The following TENM2 variants were observed in gnomAD, a reference collection of about 807,000 sequenced individuals.
TENM2 encodes the protein teneurin-2.
TENM2 carries 52 observed loss-of-function variants against 245.2 expected under a neutral mutation model. The ratio of observed to expected loss-of-function variants is 0.21; its 90% confidence interval spans 0.17 to 0.27. The LOEUF is 0.27. Ranked by LOEUF, TENM2 falls within the 10% of genes least tolerant of loss-of-function variation. The pLI is 1.00. For synonymous variants in TENM2, 1,363 were observed against 1,438.9 expected (o/e 0.95, Z 1.19); for missense variants, 3,046 against 3,666.8 (o/e 0.83, Z 4.37).
chr5:167,836,852 T>G (rs2151125375), intron 2 of TENM2, among the ~76,000 whole-genome samples: 1 of 152,324 alleles, frequency 6.6e-6, no homozygotes, highest in South Asian at 2.1e-4. Flanking sequence ...ACCGGCTATC[T>G]CAGCCGGTTC....
upstream of TENM2, among the ~76,000 whole-genome samples, chr5:167,279,830 T>C (rs566021991): frequency 1.1e-4 from 16 of 152,272 alleles, no homozygotes; most frequent in South Asian, 1.7e-3. Flanking sequence ...TAATTGTCCA[T>C]TGAAGCAATT....
chr5:167,018,412 C>T, the TENM2 span, among the ~76,000 whole-genome samples: 36 of 150,370 alleles, frequency 2.4e-4, no homozygotes, highest in African/African-American at 7.8e-4. Context: ...AAAAACCCAC[C>T]AAAAAAACAC....
chr5:167,469,593 G>A (rs566767292), intron 2 of TENM2, among the ~76,000 whole-genome samples: 1 of 152,214 alleles, frequency 6.6e-6, no homozygotes, highest in East Asian at 1.9e-4. Context: ...TAATGCAAGT[G>A]TTTGGTTTAA....
chr5:167,253,521 A>C, the TENM2 span, among the ~76,000 whole-genome samples: 1 of 152,122 alleles, frequency 6.6e-6, no homozygotes, highest in African/African-American at 2.4e-5. Context: ...AATCATTTAG[A>C]AGTTAAAATC....
chr5:168,145,416 A>C (rs1176353642), intron 12 of TENM2, among the ~76,000 whole-genome samples: 3 of 134,782 alleles, frequency 2.2e-5, no homozygotes, highest in Non-Finnish European at 4.8e-5. Flanking sequence ...CAGTTTTCCC[A>C]GCACCATTTA....
At chr5:167,635,633 C>CTTGTTTTTTTTTTTTTT (rs1779148757) in intron 2 of TENM2, among the ~76,000 whole-genome samples, 1 of 74,938 alleles carries the variant, frequency 1.3e-5, no homozygotes, top group East Asian at 5.8e-4. Context: ...TCAGTACAGT[C>CTTGTTTTTTTTTTTTTT]TTTTTTTTTT....
chr5:168,107,835 C>T (rs192398766), intron 9 of TENM2, among the ~76,000 whole-genome samples: 2 of 152,206 alleles, frequency 1.3e-5, no homozygotes, highest in South Asian at 2.1e-4. Context: ...GCCATGCTCA[C>T]AGGTCACCAC....
At chr5:168,204,306 G>C in intron 18 of TENM2, 66 bp from the exon 21 acceptor site, 1 of 1,530,660 alleles carries the variant, frequency 6.5e-7, no homozygotes, top group Non-Finnish European at 8.8e-7. Context: ...CTCCCTCCCA[G>C]TTGGCCAATA....
rs377689750 is a variant in TENM2 at position 168,034,297 on chromosome 5, C to A, written c.1187-13130C>A. On this transcript the variant is annotated intron_variant, in intron 5 of 28. Coordinates refer to ENST00000518659, the Ensembl canonical transcript of TENM2. Reference sequence around the variant, plus strand: ...GGGAGGGTGCAGTGAGCCAAGATGGCGCCACTCCACTCCAGCCTGGGTGAA... The same window carrying A: ...GGGAGGGTGCAGTGAGCCAAGATGGAGCCACTCCACTCCAGCCTGGGTGAA... 1.7e-3 allele frequency among the ~76,000 whole-genome samples: 250 copies of A among 146,830 alleles called. 5 individuals are homozygous for A. In the South Asian group the frequency reaches 0.025, roughly 15 times the overall value.
chr5:166,993,008 T>G, the TENM2 span, among the ~76,000 whole-genome samples: 1 of 152,072 alleles, frequency 6.6e-6, no homozygotes, highest in Admixed American at 6.6e-5. Context: ...CCCAGTGCCA[T>G]GCGTGGCCTT....
At chr5:167,834,631 G>A (rs938357840) in intron 2 of TENM2, among the ~76,000 whole-genome samples, 3 of 147,342 alleles carry the variant, frequency 2.0e-5, no homozygotes, top group Non-Finnish European at 3.0e-5. Flanking sequence ...AGTTGTGTCT[G>A]TACAATTTCT....
At chr5:168,208,569 C>T (rs1032263333) in intron 19 of TENM2, among the ~76,000 whole-genome samples, 1 of 152,144 alleles carries the variant, frequency 6.6e-6, no homozygotes, top group African/African-American at 2.4e-5. Context: ...GCTTGATGAC[C>T]AGGTAGACTG....
At chr5:168,195,551 C>CGTGTATGTGTGT (rs1411966852) in intron 15 of TENM2, among the ~76,000 whole-genome samples, 1 of 98,126 alleles carries the variant, frequency 1.0e-5, no homozygotes, top group Non-Finnish European at 2.1e-5. Flanking sequence ...GGTCAATGCA[C>CGTGTATGTGTGT]GTGTGTGTGT....
chr5:167,322,816 C>G (rs1435246858), intron 1 of TENM2, among the ~76,000 whole-genome samples: 1 of 152,190 alleles, frequency 6.6e-6, no homozygotes, highest in Admixed American at 6.5e-5. Flanking sequence ...AAACTATAGT[C>G]TTTAAAACCC....
At chr5:167,352,318 A>G (rs1342915228) in intron 1 of TENM2, among the ~76,000 whole-genome samples, 3 of 152,148 alleles carry the variant, frequency 2.0e-5, no homozygotes, top group Admixed American at 6.5e-5. Flanking sequence ...AACTGCCTTG[A>G]TTTTGTAAGT....
chr5:167,167,405 G>A, the TENM2 span, among the ~76,000 whole-genome samples: 1 of 152,158 alleles, frequency 6.6e-6, no homozygotes, highest in Non-Finnish European at 1.5e-5. Flanking sequence ...ACACGTCGCA[G>A]CATCAATCCC....
chr5:167,752,648 T>C (rs917568716), intron 2 of TENM2, among the ~76,000 whole-genome samples: 12 of 152,196 alleles, frequency 7.9e-5, no homozygotes, highest in African/African-American at 2.7e-4. Flanking sequence ...TTGGGAGTCA[T>C]TGGGAATATT....
At chr5:167,693,740 T>C (rs1181378958) in intron 2 of TENM2, among the ~76,000 whole-genome samples, 1 of 151,942 alleles carries the variant, frequency 6.6e-6, no homozygotes, top group Non-Finnish European at 1.5e-5. Flanking sequence ...GGGAATTTCA[T>C]ACCCAGAAGC....
At chr5:168,146,040 G>T (rs1239771397) in intron 12 of TENM2, among the ~76,000 whole-genome samples, 2 of 148,164 alleles carry the variant, frequency 1.3e-5, no homozygotes, top group Non-Finnish European at 3.0e-5. Context: ...TGTATCCTGA[G>T]ACTTTGCTGA....
Sources: allele counts gnomAD v4.1 joint callset (sites outside exome capture counted in the v4.1 genomes callset), GRCh38; gene constraint gnomAD v4.1.1; transcripts MANE v1.5; gene names NCBI Gene and HGNC (gene_info 2026-07-23, HGNC 2026-07-21).